Variants in LRRC69 observed in about 807,000 individuals in gnomAD.
The protein encoded by LRRC69 is leucine-rich repeat-containing protein 69.
Under a neutral mutation model 37.8 loss-of-function variants are expected in LRRC69, and 42 were observed. The observed-to-expected ratio is 1.11, with a 90% CI of 0.87 to 1.44. The LOEUF (loss-of-function observed/expected upper bound fraction) is 1.44. Ranked by LOEUF, LRRC69 falls within the 40% of genes most tolerant of loss-of-function variation. The pLI, the probability that LRRC69 is intolerant of heterozygous loss-of-function variation, is 0.00. For synonymous variants in LRRC69, 141 were observed against 143.1 expected, an observed-to-expected ratio of 0.99 and a Z score of 0.11; for missense variants, 357 against 401.9, an observed-to-expected ratio of 0.89 and a Z score of 0.96.
At chr8:91,194,720 T>A (rs951785941) in intron 6 of LRRC69, among the ~76,000 whole-genome samples, 5 of 152,234 alleles carry the variant, frequency 3.3e-5, no homozygotes, top group African/African-American at 1.2e-4. Flanking sequence ...TTATTGCGTC[T>A]ATTTGATTCT....
intron 5 of LRRC69, among the ~76,000 whole-genome samples, chr8:91,169,569 G>C (rs1430979816): frequency 6.6e-6 from 1 of 150,558 alleles, no homozygotes; most frequent in African/African-American, 2.5e-5. Context: ...TGTGCACATT[G>C]TGCAGCTTAG....
At chr8:91,168,148 A>C (rs35193292) in intron 5 of LRRC69, among the ~76,000 whole-genome samples, 7,881 of 151,960 alleles carry the variant, frequency 0.052, 294 homozygotes, top group Middle Eastern at 0.16. Context: ...CGCTTAGGGC[A>C]TTGTAAGCCC....
Position 91,169,671 on chromosome 8 carries a change from C to A in LRRC69, c.652-19851C>A, listed in dbSNP as rs566324793. On this transcript the variant is annotated intron_variant, in intron 5 of 7. Coordinates refer to ENST00000448384, the Ensembl canonical transcript of LRRC69. ...TATCTCCCAATGCTATCCCCTCCCCCCCTACCCCCACCCCACAACAGTCCC... is the reference window on the plus strand; with the variant it reads ...TATCTCCCAATGCTATCCCCTCCCCACCTACCCCCACCCCACAACAGTCCC... Among the ~76,000 whole-genome samples the A allele has an allele frequency of 9.5e-5, 10 of 104,994 alleles. 1 individual carries two copies. Among genetic ancestry groups the A allele is most frequent in the African/African-American group, 4.5e-4 (10 of 22,306 alleles). The allele number at this position is 104,994 out of a possible 152,430, so 68.9% of individuals were successfully genotyped here.
At chr8:91,168,382 C>T (rs1452513785) in intron 5 of LRRC69, among the ~76,000 whole-genome samples, 2 of 151,862 alleles carry the variant, frequency 1.3e-5, no homozygotes, top group African/African-American at 4.8e-5. Context: ...GCCCTCCTCT[C>T]CTGAACTACT....
chr8:91,173,981 A>G (rs1809178593), intron 5 of LRRC69, among the ~76,000 whole-genome samples: 1 of 84,614 alleles, frequency 1.2e-5, no homozygotes, highest in South Asian at 4.6e-4. Context: ...AGGACTTTTT[A>G]TTGAAAGAGA....
At chr8:91,170,475 A>T (rs1190442831) in intron 5 of LRRC69, among the ~76,000 whole-genome samples, 31 of 120,464 alleles carry the variant, frequency 2.6e-4, no homozygotes, top group African/African-American at 1.0e-3. Flanking sequence ...ACAAAGCTGG[A>T]GGCATCACAC....
chr8:91,104,943 C>T (rs1229750599), intron 1 of LRRC69, among the ~76,000 whole-genome samples: 1 of 152,054 alleles, frequency 6.6e-6, no homozygotes, highest in African/African-American at 2.4e-5. Context: ...ATTATCATTA[C>T]ATTGTCTTCT....
chr8:91,191,048 C>A lies in LRRC69; in HGVS notation c.753+1425C>A, dbSNP rs193075451. Reference sequence around the variant, plus strand: ...AGCAGGATCCTGTCTCAAACCCCCCCCCCCCCAAGTCAAAAAGCAACAACA... The same window carrying A: ...AGCAGGATCCTGTCTCAAACCCCCCACCCCCCAAGTCAAAAAGCAACAACA... On this transcript the variant is annotated intron_variant, in intron 6 of 7. Coordinates refer to ENST00000448384, the Ensembl canonical transcript of LRRC69. Among the ~76,000 whole-genome samples, 58 of 144,622 alleles carry A rather than the reference C, an allele frequency of 4.0e-4. 2 individuals are homozygous for A. Among genetic ancestry groups the A allele is most frequent in the African/African-American group, 9.8e-4 (39 of 39,964 alleles). The allele number at this position is 144,622 out of a possible 152,430, so 94.9% of individuals were successfully genotyped here.
intron 6 of LRRC69, among the ~76,000 whole-genome samples, chr8:91,196,632 C>T (rs1241505073): frequency 8.5e-5 from 13 of 152,214 alleles, no homozygotes; most frequent in South Asian, 2.1e-4. Context: ...TCCAGTTGAT[C>T]GCATCAGCTC....
chr8:91,192,688 G>A (rs1159392292), intron 6 of LRRC69, among the ~76,000 whole-genome samples: 5 of 152,058 alleles, frequency 3.3e-5, no homozygotes, highest in Admixed American at 2.0e-4. Flanking sequence ...ATTTTTGATG[G>A]GGTTGTTTGT....
chr8:91,181,335 A>G (rs1809321153), intron 5 of LRRC69, among the ~76,000 whole-genome samples: 1 of 152,148 alleles, frequency 6.6e-6, no homozygotes, highest in South Asian at 2.1e-4. Flanking sequence ...TGAAATATAA[A>G]TGTGTGATGA....
chr8:91,176,134 A>ATATATATATATTTTTTT, intron 5 of LRRC69, among the ~76,000 whole-genome samples: 79 of 75,690 alleles, frequency 1.0e-3, no homozygotes, highest in Middle Eastern at 0.011. Flanking sequence ...ATATATATAT[A>ATATATATATATTTTTTT]TTTTTTTTTT....
exon 8 of LRRC69, chr8:91,218,967 T>G (rs1011268793): frequency 1.3e-6 from 2 of 1,551,096 alleles, no homozygotes; most frequent in Non-Finnish European, 1.7e-6. Context: ...TTACTCAACG[T>G]GACCCTAACC....
intron 1 of LRRC69, among the ~76,000 whole-genome samples, chr8:91,107,973 C>T (rs1366611118): frequency 6.6e-6 from 1 of 151,998 alleles, no homozygotes; most frequent in African/African-American, 2.4e-5. Context: ...AAAGTCCTGC[C>T]TAACCAAACA....
At chr8:91,138,810 C>G (rs531629209) in intron 5 of LRRC69, 1 of 151,676 alleles carries the variant, frequency 6.6e-6, no homozygotes, top group Non-Finnish European at 1.5e-5. Flanking sequence ...CCCAGCATTT[C>G]GGGAGGCTGT....
intron 1 of LRRC69, among the ~76,000 whole-genome samples, chr8:91,112,938 A>G (rs1813434410): frequency 6.6e-6 from 1 of 152,022 alleles, no homozygotes; most frequent in African/African-American, 2.4e-5. Context: ...GGAATAAAGT[A>G]TCTGAAAAGG....
chr8:91,204,360 G>A (rs532217306), intron 7 of LRRC69, among the ~76,000 whole-genome samples: 1 of 152,326 alleles, frequency 6.6e-6, no homozygotes, highest in Admixed American at 6.5e-5. Context: ...TGACAAAGGT[G>A]TAGTACAGCT....
intron 4 of LRRC69, 45 bp from the exon 5 acceptor site, chr8:91,135,623 A>G: frequency 8.2e-7 from 1 of 1,213,490 alleles, no homozygotes; most frequent in South Asian, 1.5e-5. Context: ...TTATGATTTT[A>G]AATATTAGAT....
intron 3 of LRRC69, among the ~76,000 whole-genome samples, chr8:91,132,893 A>G (rs1686447026): frequency 6.6e-6 from 1 of 151,972 alleles, no homozygotes; most frequent in African/African-American, 2.4e-5. Context: ...CATACTTTTA[A>G]CATAAGCCAT....
Sources: allele counts gnomAD v4.1 joint callset (sites outside exome capture counted in the v4.1 genomes callset), GRCh38; gene constraint gnomAD v4.1.1; transcripts MANE v1.5; gene names NCBI Gene and HGNC (gene_info 2026-07-23, HGNC 2026-07-21).